DSC3: variants seen among roughly 807,000 people sequenced by gnomAD.
The protein encoded by DSC3 is desmocollin-3.
A neutral mutation model predicts 89.5 loss-of-function variants in DSC3; 97 were observed. The observed-to-expected ratio is 1.08, with a 90% CI of 0.92 to 1.28. The LOEUF is 1.28. DSC3 is among the 50% of genes most tolerant of loss of function. The probability of loss-of-function intolerance (pLI) is 0.00; values close to 1 mark genes in which losing one functional copy is unlikely to be tolerated. For synonymous variants in DSC3, 436 were observed against 384.1 expected, an observed-to-expected ratio of 1.14 and a Z score of -1.58; for missense variants, 1,199 against 1,085.3, an observed-to-expected ratio of 1.10 and a Z score of -1.47.
intron 12 of DSC3, among the ~76,000 whole-genome samples, chr18:31,005,255 A>G (rs1167635403): frequency 6.6e-6 from 1 of 152,168 alleles, no homozygotes; most frequent in African/African-American, 2.4e-5. Context: ...CTAAGGTAAG[A>G]TCCTTGAAAT....
chr18:31,033,253 A>G (rs1307858916), intron 1 of DSC3, among the ~76,000 whole-genome samples: 1 of 152,206 alleles, frequency 6.6e-6, no homozygotes, highest in East Asian at 1.9e-4. Context: ...TAAAAATCCC[A>G]GATAACTTTT....
In DSC3 at chr18:31,032,287, A is replaced by G. The variant is rs1305485297; in HGVS notation, c.70-11T>C. Reference sequence around the variant, plus strand: ...AGCACGACTGAAGATCTAGAATTTAAAAGGTCACATTAATACAGTAGAAAA... The same window carrying G: ...AGCACGACTGAAGATCTAGAATTTAGAAGGTCACATTAATACAGTAGAAAA... On this transcript the variant is annotated splice_polypyrimidine_tract_variant and intron_variant, in intron 1 of 15. Coordinates refer to ENST00000360428, the MANE Select transcript of DSC3 (RefSeq NM_001941.5). 7 of 1,591,312 alleles carry G rather than the reference A, an allele frequency of 4.4e-6. No homozygotes were observed. Among genetic ancestry groups the G allele is most frequent in the Non-Finnish European group, 6.0e-6 (7 of 1,159,260 alleles).
chr18:31,023,909 A>G (rs1985506831), intron 6 of DSC3, among the ~76,000 whole-genome samples: 1 of 152,100 alleles, frequency 6.6e-6, no homozygotes, highest in African/African-American at 2.4e-5. Context: ...GATAATATAA[A>G]TAGGAGCATA....
At chr18:30,999,781 A>G (rs1412227971) in intron 14 of DSC3, among the ~76,000 whole-genome samples, 3 of 152,330 alleles carry the variant, frequency 2.0e-5, no homozygotes, top group African/African-American at 7.2e-5. Context: ...ATCCAAAGCT[A>G]AAATGATCAC....
At chr18:31,022,067 C>A (rs961090979) in intron 7 of DSC3, among the ~76,000 whole-genome samples, 1 of 151,936 alleles carries the variant, frequency 6.6e-6, no homozygotes, top group African/African-American at 2.4e-5. Flanking sequence ...AACCAACTAG[C>A]CACACATAAG....
At position 31,032,195 on chromosome 18, in the gene DSC3, T is replaced by A. The variant is rs770520843; in HGVS notation, c.151A>T (p.Arg51Ter). ...SKLEADKIIG[R>*]VNLEECFRSA... Reference sequence around the variant, plus strand: ...AAAGACTTTTAAAATTTCTCACCTCTGCCAATTATTTTGTCTGCCTCTAGT... The same window carrying A: ...AAAGACTTTTAAAATTTCTCACCTCAGCCAATTATTTTGTCTGCCTCTAGT... Residue 51 changes from arginine to a stop codon, truncating the protein, a stop_gained, in exon 2 of 16, where the codon AGA becomes TGA. Coordinates refer to ENST00000360428, the MANE Select transcript of DSC3 (RefSeq NM_001941.5). LOFTEE classifies it high-confidence loss of function. 5 of 1,610,694 alleles carry A rather than the reference T, an allele frequency of 3.1e-6. No homozygotes were observed. Among genetic ancestry groups the A allele is most frequent in the Non-Finnish European group, 2.5e-6 (3 of 1,176,866 alleles).
chr18:31,024,464 T>C lies in DSC3; in HGVS notation c.660A>G (p.Gly220=), dbSNP rs1985531017. 11 of 1,612,724 alleles carry C rather than the reference T, an allele frequency of 6.8e-6. No individual in the cohort carries two copies. The highest frequency in any genetic ancestry group is 9.3e-6 in the Non-Finnish European group (11 of 1,179,370). Residue 220 remains glycine, a synonymous_variant, in exon 6 of 16, where the codon GGA becomes GGG. Transcript: ENST00000360428. Reference sequence around the variant, plus strand: ...GTGGGAGGGGCAGATCTGCTGAATATCCATCTGCAGTTGACGCATAAGCAA... The same window carrying C: ...GTGGGAGGGGCAGATCTGCTGAATACCCATCTGCAGTTGACGCATAAGCAA... ...DLIAYASTAD[G]YSADLPLPLP...
chr18:31,028,115 T>G (rs1275072695), intron 4 of DSC3, among the ~76,000 whole-genome samples: 1 of 152,124 alleles, frequency 6.6e-6, no homozygotes, highest in Non-Finnish European at 1.5e-5. Context: ...TTTAGAGTTA[T>G]GAGATCTGAT....
intron 9 of DSC3, among the ~76,000 whole-genome samples, chr18:31,017,032 A>G (rs1298922209): frequency 6.6e-6 from 1 of 152,218 alleles, no homozygotes; most frequent in Admixed American, 6.5e-5. Context: ...CTAATAAAAA[A>G]CAAAAGCAGT....
chr18:31,006,923 G>C lies in DSC3; in HGVS notation c.1872C>G (p.Ser624Arg), dbSNP rs751689251. Residue 624 changes from serine (S) to arginine (R), a missense_variant, in exon 12 of 16, where the codon AGC becomes AGG. Coordinates refer to ENST00000360428, the MANE Select transcript of DSC3 (RefSeq NM_001941.5). ...NTSPEISRLWSLTKVNDTAAR... is the reference protein window; with the variant it reads ...NTSPEISRLWRLTKVNDTAAR... ...ATTAAATACCATTAACTTTGGTGAGGCTCCACAGTCTACTGATTTCTGGAG... is the reference window on the plus strand; with the variant it reads ...ATTAAATACCATTAACTTTGGTGAGCCTCCACAGTCTACTGATTTCTGGAG... 36 of 1,611,954 alleles carry C rather than the reference G, an allele frequency of 2.2e-5. No individual in the cohort carries two copies. Among genetic ancestry groups the C allele is most frequent in the Non-Finnish European group, 3.0e-5 (35 of 1,178,434 alleles).
At chr18:31,019,816 G>T (rs1287334083) in intron 7 of DSC3, among the ~76,000 whole-genome samples, 1 of 152,016 alleles carries the variant, frequency 6.6e-6, no homozygotes, top group Non-Finnish European at 1.5e-5. Context: ...AAATAAATAG[G>T]GCAAGTGTCC....
Position 31,037,897 on chromosome 18 carries a change from CA to C in DSC3, c.69+4694del, listed in dbSNP as rs567216995. Among the ~76,000 whole-genome samples the C allele has an allele frequency of 2.0e-3, 276 of 136,970 alleles. 1 individual carries two copies. Among genetic ancestry groups the C allele is most frequent in the South Asian group, 5.1e-3 (22 of 4,290 alleles). The allele number at this position is 136,970 out of a possible 152,430, so 89.9% of individuals were successfully genotyped here. On this transcript the variant is annotated intron_variant, in intron 1 of 15. Coordinates refer to ENST00000360428, the MANE Select transcript of DSC3 (RefSeq NM_001941.5). ...TGGGGAACAGAGCAAAACTCCATCT[CA>C]AAAAAAAAAAAAGTTCATTCTCTAC... is the stretch of plus-strand genomic sequence containing the variant.
intron 12 of DSC3, among the ~76,000 whole-genome samples, chr18:31,006,009 A>G (rs1051370391): frequency 1.3e-5 from 2 of 152,216 alleles, no homozygotes; most frequent in East Asian, 1.9e-4. Context: ...GAGGTATTCT[A>G]TGTAGATATG....
intron 1 of DSC3, among the ~76,000 whole-genome samples, chr18:31,033,941 A>G (rs535699256): frequency 6.6e-6 from 1 of 152,254 alleles, no homozygotes; most frequent in Admixed American, 6.5e-5. Flanking sequence ...CTCCTGCCTC[A>G]GCCTCCGGAG....
chr18:31,034,786 C>T (rs1985918616), intron 1 of DSC3, among the ~76,000 whole-genome samples: 1 of 152,062 alleles, frequency 6.6e-6, no homozygotes, highest in Non-Finnish European at 1.5e-5. Context: ...GGTAAATATA[C>T]AGGAACAAAG....
At chr18:31,036,213 T>C (rs1985962914) in intron 1 of DSC3, among the ~76,000 whole-genome samples, 1 of 152,186 alleles carries the variant, frequency 6.6e-6, no homozygotes, top group Non-Finnish European at 1.5e-5. Flanking sequence ...TCTCTCTATT[T>C]CCCATATCCT....
rs1249272883 is a variant in DSC3 at position 30,989,998 on chromosome 18, G to T, written c.*4177C>A. 6.6e-6 allele frequency: 1 copy of T among 152,108 alleles called. No individual in the cohort carries two copies. The highest frequency in any genetic ancestry group is 1.5e-5 in the Non-Finnish European group (1 of 68,014). The allele number at this position is 152,108 out of a possible 1,614,324, so 9.4% of individuals were successfully genotyped here. A position where few individuals can be genotyped will look rare whatever the true frequency, so the allele number is the denominator to read the frequency against. ...GAAAGAATAAATTATCAATTCCATTGTCTGGAAATCATGTTTCGGGATTAT... is the reference window on the plus strand; with the variant it reads ...GAAAGAATAAATTATCAATTCCATTTTCTGGAAATCATGTTTCGGGATTAT... On this transcript the variant is annotated 3_prime_UTR_variant, in exon 16 of 16. Coordinates refer to ENST00000360428, the MANE Select transcript of DSC3 (RefSeq NM_001941.5).
chr18:31,041,509 G>A (rs2144747808), intron 1 of DSC3, among the ~76,000 whole-genome samples: 1 of 152,302 alleles, frequency 6.6e-6, no homozygotes, highest in East Asian at 1.9e-4. Flanking sequence ...GGAGGGCCAG[G>A]AAGCAGTAAG....
Position 30,994,172 on chromosome 18 carries a change from A to G in DSC3, c.*3T>C, listed in dbSNP as rs1984370505. 6.2e-7 allele frequency: 1 copy of G among 1,613,412 alleles called. No individual in the cohort carries two copies. The highest frequency in any genetic ancestry group is 1.3e-5 in the African/African-American group (1 of 74,906). ...ACAAAGACCTAATTGTAGCACTGTG[A>G]CATTATCTCTTTGTGCATGCTTCTG... On this transcript the variant is annotated 3_prime_UTR_variant, in exon 16 of 16. Coordinates refer to ENST00000360428, the MANE Select transcript of DSC3 (RefSeq NM_001941.5).
Sources: gnomAD v4.1 joint callset for allele counts (sites outside exome capture counted in the v4.1 genomes callset) on GRCh38, gnomAD v4.1.1 for gene constraint, MANE v1.5 for transcripts, NCBI Gene and HGNC (gene_info 2026-07-23, HGNC 2026-07-21) for gene names.